The following STXBP5L variants were observed in gnomAD, a reference collection of about 807,000 sequenced individuals.
The protein encoded by STXBP5L is syntaxin-binding protein 5-like.
In STXBP5L, 65 loss-of-function variants were observed where a neutral mutation model predicts 144.5. The ratio of observed to expected loss-of-function variants is 0.45; its 90% CI spans 0.37 to 0.55. The LOEUF is 0.55. STXBP5L is among the 20% of genes least tolerant of loss of function. The pLI is 0.00. For missense variants in STXBP5L, 1,298 were observed against 1,405.5 expected (o/e 0.92, Z 1.22); for synonymous variants, 505 against 469.6 (o/e 1.08, Z -0.97).
At chr3:121,225,101 G>A (rs1024353551) in intron 11 of STXBP5L, among the ~76,000 whole-genome samples, 1 of 152,094 alleles carries the variant, frequency 6.6e-6, no homozygotes, top group Non-Finnish European at 1.5e-5. Flanking sequence ...AAAGCTAGGA[G>A]ATGTACTTTA....
intron 21 of STXBP5L, among the ~76,000 whole-genome samples, chr3:121,379,823 G>A (rs2046282707): frequency 2.6e-5 from 4 of 152,048 alleles, no homozygotes; most frequent in Non-Finnish European, 5.9e-5. Flanking sequence ...TATAAAAGAA[G>A]TAGCCCCCTT....
intron 20 of STXBP5L, among the ~76,000 whole-genome samples, chr3:121,338,082 A>G (rs1313785597): frequency 6.6e-6 from 1 of 152,166 alleles, no homozygotes; most frequent in East Asian, 1.9e-4. Flanking sequence ...TTATAGCACT[A>G]AATGCCTACA....
chr3:121,182,743 A>T (rs920619578), intron 9 of STXBP5L, among the ~76,000 whole-genome samples: 5 of 152,210 alleles, frequency 3.3e-5, no homozygotes, highest in Non-Finnish European at 5.9e-5. Flanking sequence ...AAATTGATAG[A>T]CCATTAGTTA....
chr3:121,383,470 G>A (rs2046362467), intron 22 of STXBP5L, among the ~76,000 whole-genome samples: 2 of 152,134 alleles, frequency 1.3e-5, no homozygotes, highest in Non-Finnish European at 2.9e-5. Flanking sequence ...TAAAGGAAAT[G>A]ACAGAAGGGG....
chr3:121,363,694 T>G (rs1306542464), intron 20 of STXBP5L, among the ~76,000 whole-genome samples: 1 of 152,164 alleles, frequency 6.6e-6, no homozygotes, highest in Non-Finnish European at 1.5e-5. Flanking sequence ...TCTAATGATA[T>G]GAAGTTAAAA....
In STXBP5L at chr3:121,081,204, G is replaced by T. The variant is rs567150285; in HGVS notation, c.471-33721G>T. Among the ~76,000 whole-genome samples, 12 of 151,926 alleles carry T rather than the reference G, an allele frequency of 7.9e-5. No individual in the cohort carries two copies. In the South Asian group the frequency reaches 2.3e-3, roughly 29 times the overall value. On this transcript the variant is annotated intron_variant, in intron 5 of 26. Coordinates refer to ENST00000471454, the MANE Select transcript of STXBP5L (RefSeq NM_001308330.2). ...AGTGTGTATTTTATTTCCAGAAGTT[G>T]TAGTTCTTTTTCTTTATGCTATCTC...
intron 3 of STXBP5L, among the ~76,000 whole-genome samples, chr3:120,978,625 T>C (rs1941372113): frequency 6.6e-6 from 1 of 151,886 alleles, no homozygotes; most frequent in African/African-American, 2.4e-5. Flanking sequence ...GGCACTCTGC[T>C]TTTTAGAGTT....
intron 16 of STXBP5L, among the ~76,000 whole-genome samples, chr3:121,256,544 C>G (rs890799563): frequency 2.6e-5 from 4 of 151,752 alleles, no homozygotes; most frequent in Non-Finnish European, 5.9e-5. Context: ...TAATTCTGAT[C>G]TGCTAATTAG....
At chr3:120,951,771 A>C (rs28838400) in intron 2 of STXBP5L, among the ~76,000 whole-genome samples, 1 of 151,912 alleles carries the variant, frequency 6.6e-6, no homozygotes, top group South Asian at 2.1e-4. Flanking sequence ...TCTAGAACTA[A>C]AAATACCATT....
chr3:121,125,579 T>C (rs1015874286), intron 7 of STXBP5L, among the ~76,000 whole-genome samples: 3 of 152,154 alleles, frequency 2.0e-5, no homozygotes, highest in African/African-American at 7.2e-5. Context: ...AAAAGGGTAC[T>C]CTTGAGCTGA....
At chr3:120,962,638 C>G (rs1938996794) in intron 3 of STXBP5L, among the ~76,000 whole-genome samples, 1 of 152,086 alleles carries the variant, frequency 6.6e-6, no homozygotes, top group Non-Finnish European at 1.5e-5. Context: ...TGATCTATAT[C>G]TCTGTTTTGG....
chr3:121,096,770 G>A (rs2043152402), intron 5 of STXBP5L, among the ~76,000 whole-genome samples: 1 of 152,180 alleles, frequency 6.6e-6, no homozygotes, highest in Non-Finnish European at 1.5e-5. Context: ...TCCTGTATGA[G>A]GTTTCTGTCA....
intron 20 of STXBP5L, among the ~76,000 whole-genome samples, 190 bp from the exon 21 acceptor site, chr3:121,378,526 T>A (rs1381323011): frequency 1.3e-5 from 2 of 152,202 alleles, no homozygotes; most frequent in Non-Finnish European, 2.9e-5. Flanking sequence ...TTAATAAATA[T>A]CTTTTGAAAT....
chr3:121,182,817 T>C (rs1160099107), intron 9 of STXBP5L, among the ~76,000 whole-genome samples: 1 of 152,004 alleles, frequency 6.6e-6, no homozygotes, highest in Non-Finnish European at 1.5e-5. Context: ...AGGAGAGATA[T>C]TACAACCGAT....
chr3:121,352,649 T>C (rs13086038), intron 20 of STXBP5L, among the ~76,000 whole-genome samples: 6,958 of 152,128 alleles, frequency 0.046, 201 homozygotes, highest in Middle Eastern at 0.078. Flanking sequence ...TTGACTCTTC[T>C]TTTCCTAATT....
intron 3 of STXBP5L, among the ~76,000 whole-genome samples, chr3:120,970,255 A>G (rs549383787): frequency 6.6e-5 from 10 of 152,114 alleles, no homozygotes; most frequent in Admixed American, 4.6e-4. Flanking sequence ...AATATTCTGA[A>G]TTAGTCTTTT....
In STXBP5L at chr3:121,033,698, G is replaced by A. The variant is rs1307203851; in HGVS notation, c.288-8002G>A. Among the ~76,000 whole-genome samples, 3 of 151,630 alleles carry A rather than the reference G, an allele frequency of 2.0e-5. No homozygotes were observed. The East Asian group carries it at 5.8e-4, about 29-fold the overall frequency. Reference sequence around the variant, plus strand: ...GTCTGTAATTGTATTTGTAATTTTAGCATTAACTGCTATATATTCTTATAA... The same window carrying A: ...GTCTGTAATTGTATTTGTAATTTTAACATTAACTGCTATATATTCTTATAA... On this transcript the variant is annotated intron_variant, in intron 3 of 26. Coordinates refer to ENST00000471454, the MANE Select transcript of STXBP5L (RefSeq NM_001308330.2).
intron 20 of STXBP5L, among the ~76,000 whole-genome samples, chr3:121,371,876 TCAA>T (rs1362442725): frequency 1.3e-5 from 2 of 152,160 alleles, no homozygotes; most frequent in East Asian, 3.9e-4. Context: ...TGCCAATGCT[TCAA>T]CAACAATGGT....
chr3:121,213,967 C>G (rs961765255), intron 10 of STXBP5L, among the ~76,000 whole-genome samples: 2 of 152,130 alleles, frequency 1.3e-5, no homozygotes, highest in Non-Finnish European at 2.9e-5. Flanking sequence ...TTATCCATTT[C>G]TTCTAGATTT....
Sources: allele counts gnomAD v4.1 joint callset (sites outside exome capture counted in the v4.1 genomes callset), GRCh38; gene constraint gnomAD v4.1.1; transcripts MANE v1.5; gene names NCBI Gene and HGNC (gene_info 2026-07-23, HGNC 2026-07-21).